The following ABCG2 variants were observed in gnomAD, a reference collection of about 807,000 sequenced individuals.
ABCG2 encodes ATP binding cassette subfamily G member 2 (JR blood group).
A neutral mutation model predicts 73.5 loss-of-function variants in ABCG2; 80 were observed. The observed-to-expected ratio is 1.09, with a 90% CI of 0.91 to 1.31. The LOEUF (loss-of-function observed/expected upper bound fraction) is 1.31, where lower values mean the gene tolerates loss of function less well. ABCG2 is among the 50% of genes most tolerant of loss of function. ABCG2 has a pLI of 0.00. For synonymous variants in ABCG2, 269 were observed against 282.4 expected, an observed-to-expected ratio of 0.95 and a Z score of 0.48; for missense variants, 796 against 786.2, an observed-to-expected ratio of 1.01 and a Z score of -0.15.
At chr4:88,200,896 T>G (rs1213448457) in intron 1 of ABCG2, among the ~76,000 whole-genome samples, 1 of 151,976 alleles carries the variant, frequency 6.6e-6, no homozygotes, top group Admixed American at 6.6e-5. Flanking sequence ...ATGTAGAAAT[T>G]TTGAACTAAA....
chr4:88,147,628 A>G (rs947662275), intron 1 of ABCG2, among the ~76,000 whole-genome samples: 3 of 152,210 alleles, frequency 2.0e-5, no homozygotes, highest in Non-Finnish European at 4.4e-5. Flanking sequence ...AATTATTCCT[A>G]TTAAGTGAAA....
chr4:88,201,251 C>A (rs1729154743), intron 1 of ABCG2, among the ~76,000 whole-genome samples: 1 of 139,726 alleles, frequency 7.2e-6, no homozygotes, highest in Non-Finnish European at 1.6e-5. Context: ...TCACTAATAT[C>A]AGAAATAAAA....
intron 1 of ABCG2, among the ~76,000 whole-genome samples, chr4:88,202,234 T>C (rs1239475070): frequency 1.3e-5 from 2 of 150,970 alleles, no homozygotes; most frequent in Admixed American, 1.3e-4. Flanking sequence ...GTCTAGGCGT[T>C]ATGTGATGAC....
At chr4:88,096,041 C>T (rs1721962824) in intron 13 of ABCG2, among the ~76,000 whole-genome samples, 1 of 152,174 alleles carries the variant, frequency 6.6e-6, no homozygotes, top group African/African-American at 2.4e-5. Flanking sequence ...GCCCACTGCA[C>T]CTCACATAAG....
intron 1 of ABCG2, among the ~76,000 whole-genome samples, chr4:88,149,083 C>G (rs1191140440): frequency 6.6e-6 from 1 of 152,130 alleles, no homozygotes; most frequent in Non-Finnish European, 1.5e-5. Flanking sequence ...GGTGTGGTGG[C>G]ACATGCCTGT....
In ABCG2 at chr4:88,131,742, C is replaced by A. The variant is rs544278343; in HGVS notation, c.378+61G>T. 4.5e-5 allele frequency: 55 copies of A among 1,232,876 alleles called. No homozygotes were observed. The South Asian group carries it at 6.4e-4, about 14-fold the overall frequency. 76.4% of individuals were successfully genotyped at this position (1,232,876 alleles called of 1,614,324 possible). Reference sequence around the variant, plus strand: ...AACTGGAAGCACATTGAACTATCAGCCAAAGCACTTACCCATATAGAAACA... The same window carrying A: ...AACTGGAAGCACATTGAACTATCAGACAAAGCACTTACCCATATAGAAACA... On this transcript the variant is annotated intron_variant, in intron 4 of 15. Transcript: ENST00000237612.
intron 1 of ABCG2, among the ~76,000 whole-genome samples, chr4:88,141,801 A>G (rs983902068): frequency 2.0e-5 from 3 of 152,190 alleles, no homozygotes; most frequent in African/African-American, 7.2e-5. Flanking sequence ...ATGTTCCGGA[A>G]ATGAGAAAAT....
intron 1 of ABCG2, among the ~76,000 whole-genome samples, chr4:88,213,977 C>T (rs1413888205): frequency 7.4e-6 from 1 of 134,714 alleles, no homozygotes; most frequent in Non-Finnish European, 1.6e-5. Context: ...GCCACCACGC[C>T]CGGCCTTTTT....
intron 1 of ABCG2, among the ~76,000 whole-genome samples, chr4:88,203,769 A>AAG (rs1729275857): frequency 6.6e-6 from 1 of 151,304 alleles, no homozygotes; most frequent in Non-Finnish European, 1.5e-5. Flanking sequence ...AAAAAAAAAA[A>AAG]AAGAAAGAAA....
At chr4:88,093,814 T>G (rs1426779652) in intron 15 of ABCG2, among the ~76,000 whole-genome samples, 1 of 152,234 alleles carries the variant, frequency 6.6e-6, no homozygotes, top group Non-Finnish European at 1.5e-5. Context: ...CATTAATTTA[T>G]GTATCAAAAT....
intron 1 of ABCG2, among the ~76,000 whole-genome samples, chr4:88,142,175 GC>G (rs1369622728): frequency 1.3e-5 from 2 of 151,940 alleles, no homozygotes; most frequent in South Asian, 2.1e-4. Context: ...TCTGTCATAC[GC>G]ATAACAGGCA....
chr4:88,141,728 A>G (rs150416379), intron 1 of ABCG2, among the ~76,000 whole-genome samples: 1 of 152,328 alleles, frequency 6.6e-6, no homozygotes, highest in African/African-American at 2.4e-5. Flanking sequence ...TTCACGAATC[A>G]TAAGTTTAAA....
chr4:88,144,667 G>A (rs1725860399), intron 1 of ABCG2, among the ~76,000 whole-genome samples: 2 of 151,972 alleles, frequency 1.3e-5, no homozygotes, highest in Non-Finnish European at 2.9e-5. Flanking sequence ...TGGTGGTCAA[G>A]GCTGGTTTCA....
intron 14 of ABCG2, among the ~76,000 whole-genome samples, 186 bp downstream of exon 14, chr4:88,095,334 A>C (rs572488902): frequency 2.6e-5 from 4 of 152,350 alleles, no homozygotes; most frequent in Non-Finnish European, 4.4e-5. Flanking sequence ...TGAGGAAAAT[A>C]GCAAATGACT....
At chr4:88,164,353 C>T (rs938449976) in intron 1 of ABCG2, among the ~76,000 whole-genome samples, 9 of 152,320 alleles carry the variant, frequency 5.9e-5, no homozygotes, top group African/African-American at 1.4e-4. Flanking sequence ...GCGTGAGCTA[C>T]GGCTCCCAGC....
intron 2 of ABCG2, among the ~76,000 whole-genome samples, chr4:88,138,307 C>G (rs1279346721): frequency 6.6e-6 from 1 of 152,042 alleles, no homozygotes; most frequent in Non-Finnish European, 1.5e-5. Flanking sequence ...AGGGAAAGCT[C>G]AAATGCTGGG....
intron 1 of ABCG2, among the ~76,000 whole-genome samples, chr4:88,198,402 G>A (rs1729023373): frequency 6.6e-6 from 1 of 152,060 alleles, no homozygotes; most frequent in Admixed American, 6.5e-5. Flanking sequence ...GGGGACCCAG[G>A]CAGGAAAATC....
At chr4:88,132,899 T>C (rs1560698376) in intron 2 of ABCG2, among the ~76,000 whole-genome samples, 1 of 151,654 alleles carries the variant, frequency 6.6e-6, no homozygotes, top group African/African-American at 2.4e-5. Context: ...GGAGACACTG[T>C]CTCTACTTAA....
intron 9 of ABCG2, among the ~76,000 whole-genome samples, 160 bp from the exon 10 acceptor site, chr4:88,107,426 C>G (rs113647079): frequency 6.6e-6 from 1 of 152,304 alleles, no homozygotes; most frequent in African/African-American, 2.4e-5. Flanking sequence ...GAAAATAAAA[C>G]AGCATACATT....
Sources: gnomAD v4.1 joint callset for allele counts (sites outside exome capture counted in the v4.1 genomes callset) on GRCh38, gnomAD v4.1.1 for gene constraint, MANE v1.5 for transcripts, NCBI Gene and HGNC (gene_info 2026-07-23, HGNC 2026-07-21) for gene names.